Variants in EIF2AK1 observed in about 807,000 individuals in gnomAD.
The protein encoded by EIF2AK1 is eukaryotic translation initiation factor 2-alpha kinase 1.
Under a neutral mutation model 77.9 loss-of-function variants are expected in EIF2AK1, and 54 were observed. The observed-to-expected ratio is 0.69, with a 90% CI of 0.56 to 0.87. EIF2AK1 has a LOEUF of 0.87. EIF2AK1 is among the 40% of genes least tolerant of loss of function. EIF2AK1 has a pLI of 0.00. For missense variants in EIF2AK1, 810 were observed against 768.6 expected (o/e 1.05, Z -0.64); for synonymous variants, 314 against 290.5 (o/e 1.08, Z -0.82).
chr7:6,023,944 C>T lies in EIF2AK1; in HGVS notation c.*729G>A. 7.0e-7 allele frequency: 1 copy of T among 1,426,508 alleles called. No individual in the cohort carries two copies. The highest frequency in any genetic ancestry group is 9.3e-7 in the Non-Finnish European group (1 of 1,078,318). 88.4% of individuals were successfully genotyped at this position (1,426,508 alleles called of 1,614,324 possible). A position where few individuals can be genotyped will look rare whatever the true frequency, so the allele number is the denominator to read the frequency against. On this transcript the variant is annotated 3_prime_UTR_variant, in exon 15 of 15. Coordinates refer to ENST00000199389, the MANE Select transcript of EIF2AK1 (RefSeq NM_014413.4). Reference sequence around the variant, plus strand: ...ATTCAAAAACCAATTCATCAGATCGCTGCCTCTGAGGGATGTACAGATTGG... The same window carrying T: ...ATTCAAAAACCAATTCATCAGATCGTTGCCTCTGAGGGATGTACAGATTGG...
intron 12 of EIF2AK1, 98 bp downstream of exon 12, chr7:6,028,819 AC>A: frequency 7.2e-7 from 1 of 1,394,066 alleles, no homozygotes; most frequent in Admixed American, 1.9e-5. Context: ...TCTTTATCTT[AC>A]CTTTGCTATT....
At chr7:6,037,284 A>G (rs910447202) in intron 11 of EIF2AK1, 140 bp downstream of exon 11, 4 of 646,120 alleles carry the variant, frequency 6.2e-6, no homozygotes, top group Admixed American at 2.5e-5. Flanking sequence ...CTATCGAACA[A>G]TGACTTATCT....
intron 10 of EIF2AK1, among the ~76,000 whole-genome samples, chr7:6,037,908 T>C (rs959484462): frequency 2.6e-5 from 4 of 151,850 alleles, no homozygotes; most frequent in Non-Finnish European, 4.4e-5. Flanking sequence ...ATAAATCTGG[T>C]ATCCTAGCCC....
In EIF2AK1 at chr7:6,024,545, G is replaced by A. The variant is rs1787682082; in HGVS notation, c.*128C>T. On this transcript the variant is annotated 3_prime_UTR_variant, in exon 15 of 15. Coordinates refer to ENST00000199389, the MANE Select transcript of EIF2AK1 (RefSeq NM_014413.4). ...AGGAAGGGAAGGAACGGCAGCTTGG[G>A]GCACTCTGACATCTTTAACAAGTCT... The A allele has an allele frequency of 6.7e-7, 1 of 1,497,108 alleles. No homozygotes were observed. The highest frequency in any genetic ancestry group is 2.4e-5 in the Admixed American group (1 of 41,916). 92.7% of individuals were successfully genotyped at this position (1,497,108 alleles called of 1,614,324 possible).
chr7:6,037,723 C>A (rs60167042), intron 10 of EIF2AK1, among the ~76,000 whole-genome samples, 199 bp from the exon 11 acceptor site: 117 of 152,086 alleles, frequency 7.7e-4, no homozygotes, highest in African/African-American at 2.6e-3. Flanking sequence ...GAAACCATCA[C>A]AAACCAGCAC....
chr7:6,048,776 C>A, intron 4 of EIF2AK1, 31 bp downstream of exon 4: 2 of 1,520,548 alleles, frequency 1.3e-6, no homozygotes, highest in Non-Finnish European at 1.8e-6. Flanking sequence ...TTTCAATAGT[C>A]TGCATAATCA....
chr7:6,028,555 T>C (rs925998868), intron 13 of EIF2AK1, 60 bp downstream of exon 13: 76 of 1,548,040 alleles, frequency 4.9e-5, no homozygotes, highest in Non-Finnish European at 6.2e-5. Context: ...CCCAACCCTG[T>C]ATTGTTATTT....
rs1449040709 is a variant in EIF2AK1, at chr7:6,033,084, TC to T, written c.1333-4053del. On this transcript the variant is annotated intron_variant, in intron 11 of 14. Transcript: ENST00000199389. The surrounding 1 kb of genome is among the most constrained non-coding windows in gnomAD (Gnocchi z 4.4). ...CCTGGGTTCAAGAGCTTCTCCCACCTCAGCCTCCCGAGTAGCTGGGATTACA... is the reference window on the plus strand; with the variant it reads ...CCTGGGTTCAAGAGCTTCTCCCACCTAGCCTCCCGAGTAGCTGGGATTACA... 2 of 600,180 alleles carry T rather than the reference TC, an allele frequency of 3.3e-6. No individual in the cohort carries two copies. The highest frequency in any genetic ancestry group is 5.6e-6 in the Non-Finnish European group (2 of 354,142). The allele number at this position is 600,180 out of a possible 1,614,324, so 37.2% of individuals were successfully genotyped here. A position where few individuals can be genotyped will look rare whatever the true frequency, so the allele number is the denominator to read the frequency against.
intron 11 of EIF2AK1, among the ~76,000 whole-genome samples, chr7:6,034,902 C>G (rs575235999): frequency 6.6e-6 from 1 of 152,110 alleles, no homozygotes; most frequent in African/African-American, 2.4e-5. Context: ...TACACACTCA[C>G]GCAGAAAAAT....
chr7:6,048,853 A>T lies in EIF2AK1; in HGVS notation c.412-9T>A. ...ATATCCTCACAAGGATCCTACAATTAAAAAATTGTTTTTAAAAAGCATTTT... is the reference window on the plus strand; with the variant it reads ...ATATCCTCACAAGGATCCTACAATTTAAAAATTGTTTTTAAAAAGCATTTT... On this transcript the variant is annotated splice_polypyrimidine_tract_variant and intron_variant, in intron 3 of 14. Coordinates refer to ENST00000199389, the MANE Select transcript of EIF2AK1 (RefSeq NM_014413.4). 1 of 1,571,940 alleles carries T rather than the reference A, an allele frequency of 6.4e-7. No homozygotes were observed. The highest frequency in any genetic ancestry group is 8.6e-7 in the Non-Finnish European group (1 of 1,165,626).
rs1042866547 is a variant in EIF2AK1, at chr7:6,045,740, TA to T, written c.630+330del. 9.5e-5 allele frequency among the ~76,000 whole-genome samples: 14 copies of T among 147,516 alleles called. No individual in the cohort carries two copies. The South Asian group carries it at 2.6e-3, about 27-fold the overall frequency. Reference sequence around the variant, plus strand: ...GTTAACATATTTTAAAAATTATATATATATATATATATAAATTAGCCAGGCA... The same window carrying T: ...GTTAACATATTTTAAAAATTATATATTATATATATATAAATTAGCCAGGCA... On this transcript the variant is annotated intron_variant, in intron 6 of 14. Transcript: ENST00000199389.
chr7:6,052,859 A>G (rs977672105), intron 2 of EIF2AK1, among the ~76,000 whole-genome samples: 1 of 152,140 alleles, frequency 6.6e-6, no homozygotes, highest in African/African-American at 2.4e-5. Context: ...GCTACTCGGG[A>G]GGGTGAGGCA....
chr7:6,040,679 C>T (rs1407899498), intron 9 of EIF2AK1, among the ~76,000 whole-genome samples: 1 of 152,082 alleles, frequency 6.6e-6, no homozygotes, highest in African/African-American at 2.4e-5. Context: ...TGTAAATGGC[C>T]AGGTCGGGGA....
At chr7:6,046,859 G>A (rs1014222910) in intron 5 of EIF2AK1, 133 bp downstream of exon 5, 13 of 755,840 alleles carry the variant, frequency 1.7e-5, no homozygotes, top group African/African-American at 7.2e-5. Flanking sequence ...CTGAGATTGC[G>A]CCGCGCACTC....
At position 6,024,085 on chromosome 7, in the gene EIF2AK1, G is replaced by T; in HGVS notation, c.*588C>A. On this transcript the variant is annotated 3_prime_UTR_variant, in exon 15 of 15. Coordinates refer to ENST00000199389, the MANE Select transcript of EIF2AK1 (RefSeq NM_014413.4). ...TCTGGGGTGCGGAGTACAAAGCTTT[G>T]CAAGGGTGTGGTTTTGGAATGACGC... is the stretch of plus-strand genomic sequence containing the variant. 1 of 1,300,984 alleles carries T rather than the reference G, an allele frequency of 7.7e-7. No individual in the cohort carries two copies. The highest frequency in any genetic ancestry group is 1.2e-5 in the South Asian group (1 of 81,132). The allele number at this position is 1,300,984 out of a possible 1,614,324, so 80.6% of individuals were successfully genotyped here.
intron 1 of EIF2AK1, among the ~76,000 whole-genome samples, 176 bp downstream of exon 1, chr7:6,058,790 T>C (rs2128452911): frequency 6.6e-6 from 1 of 152,318 alleles, no homozygotes; most frequent in East Asian, 1.9e-4. Flanking sequence ...ATATTTACCT[T>C]ACCCGACGGC....
chr7:6,049,413 G>C (rs553773988), intron 3 of EIF2AK1, among the ~76,000 whole-genome samples: 1 of 152,204 alleles, frequency 6.6e-6, no homozygotes, highest in African/African-American at 2.4e-5. Context: ...TGTGGTGGCA[G>C]GTGCCTGTGG....
chr7:6,042,991 C>T lies in EIF2AK1; in HGVS notation c.733G>A (p.Asp245Asn). Reference protein sequence around the residue: ...EHVHVIQPRADRAAIELPSLE... With the variant: ...EHVHVIQPRANRAAIELPSLE... ...GATGGCAACTCAATGGCAGCTCTGTCTGCTGAATGAAAACAAACAACAATC... is the reference window on the plus strand; with the variant it reads ...GATGGCAACTCAATGGCAGCTCTGTTTGCTGAATGAAAACAAACAACAATC... The change falls in exon 8 of 15, where the codon GAC becomes AAC. Residue 245 changes from aspartate (D) to asparagine (N), a missense_variant and splice_region_variant. By Grantham distance (23) the Asp-to-Asn change is conservative. Coordinates refer to ENST00000199389, the MANE Select transcript of EIF2AK1 (RefSeq NM_014413.4). 2 of 1,614,146 alleles carry T rather than the reference C, an allele frequency of 1.2e-6. No homozygotes were observed. Among genetic ancestry groups the T allele is most frequent in the Non-Finnish European group, 1.7e-6 (2 of 1,179,994 alleles).
At chr7:6,031,928 C>T (rs540136152) in intron 11 of EIF2AK1, among the ~76,000 whole-genome samples, 41 of 152,324 alleles carry the variant, frequency 2.7e-4, no homozygotes, top group African/African-American at 9.4e-4. Context: ...AATCCCAGCA[C>T]TTTGGAAGGC....
Sources: allele counts gnomAD v4.1 joint callset (sites outside exome capture counted in the v4.1 genomes callset), GRCh38; gene constraint gnomAD v4.1.1; non-coding constraint Gnocchi (gnomAD v3.1); transcripts MANE v1.5; gene names NCBI Gene and HGNC (gene_info 2026-07-23, HGNC 2026-07-21).